Variants in CRCP observed in about 807,000 individuals in gnomAD.
CRCP encodes CGRP receptor component.
In CRCP, 18 loss-of-function variants were observed where a neutral mutation model predicts 18.5. That is an observed-to-expected ratio of 0.97 (90% CI 0.67 to 1.44). CRCP has a LOEUF of 1.44. Ranked by LOEUF, CRCP falls within the 40% of genes most tolerant of loss-of-function variation. The pLI is 0.00. For missense variants in CRCP, 130 were observed against 176.4 expected (o/e 0.74, Z 1.49); for synonymous variants, 53 against 62.9 (o/e 0.84, Z 0.75).
intron 5 of CRCP, among the ~76,000 whole-genome samples, chr7:66,146,254 C>T (rs1302716212): frequency 1.3e-5 from 2 of 152,018 alleles, no homozygotes; most frequent in East Asian, 1.9e-4. Context: ...CCGCTTTGTA[C>T]TGAGAGCGTA....
At chr7:66,138,792 CA>C (rs35447994) in intron 4 of CRCP, among the ~76,000 whole-genome samples, 33 of 131,386 alleles carry the variant, frequency 2.5e-4, no homozygotes, top group South Asian at 2.2e-3. Flanking sequence ...GACTCCGTCT[CA>C]AAAAAAAAAA....
chr7:66,116,432 T>G (rs1379583410), intron 1 of CRCP, among the ~76,000 whole-genome samples: 2 of 145,816 alleles, frequency 1.4e-5, no homozygotes, highest in Admixed American at 1.4e-4. Flanking sequence ...GAGGCTGCAA[T>G]GAGCTGAGAT....
chr7:66,137,710 G>C (rs1788011319), intron 4 of CRCP, among the ~76,000 whole-genome samples: 1 of 152,098 alleles, frequency 6.6e-6, no homozygotes, highest in Admixed American at 6.5e-5. Flanking sequence ...GTATCTTTTT[G>C]TTTATTTTTG....
intron 1 of CRCP, among the ~76,000 whole-genome samples, chr7:66,116,698 T>C (rs1475590267): frequency 6.6e-6 from 1 of 152,092 alleles, no homozygotes; most frequent in Non-Finnish European, 1.5e-5. Flanking sequence ...CCCACATACA[T>C]GTCCCCCTCT....
At chr7:66,132,802 CAGAG>C (rs1787848586) in intron 3 of CRCP, among the ~76,000 whole-genome samples, 1 of 151,624 alleles carries the variant, frequency 6.6e-6, no homozygotes, top group Non-Finnish European at 1.5e-5. Flanking sequence ...CCCAGCTACT[CAGAG>C]AGGCTGAGGC....
At chr7:66,121,857 G>A (rs1193582141) in intron 1 of CRCP, among the ~76,000 whole-genome samples, 2 of 152,046 alleles carry the variant, frequency 1.3e-5, no homozygotes, top group East Asian at 3.9e-4. Context: ...TGGGTAATAG[G>A]TACTATAACA....
chr7:66,146,479 T>G (rs914920403), intron 5 of CRCP, among the ~76,000 whole-genome samples: 3 of 151,992 alleles, frequency 2.0e-5, no homozygotes, highest in Admixed American at 2.0e-4. Context: ...CTTTAGAGAA[T>G]TAACAAAATG....
intron 2 of CRCP, 55 bp downstream of exon 2, chr7:66,127,795 T>C: frequency 6.3e-7 from 1 of 1,580,566 alleles, no homozygotes; most frequent in South Asian, 1.1e-5. Flanking sequence ...GCTCCTGAGA[T>C]TGTTAAATTG....
intron 4 of CRCP, 101 bp downstream of exon 4, chr7:66,134,475 AAAG>A (rs1562766673): frequency 1.1e-5 from 9 of 845,666 alleles, no homozygotes; most frequent in African/African-American, 1.0e-4. Flanking sequence ...GTTTGGATTT[AAAG>A]AAGGATTATA....
intron 5 of CRCP, among the ~76,000 whole-genome samples, chr7:66,149,921 C>T (rs993160667): frequency 6.6e-5 from 10 of 152,178 alleles, no homozygotes; most frequent in Admixed American, 5.9e-4. Flanking sequence ...ATTCTCCTGC[C>T]TCAGCCTCCC....
At chr7:66,127,665 G>C in intron 1 of CRCP, 39 bp from the exon 2 acceptor site, 1 of 1,612,570 alleles carries the variant, frequency 6.2e-7, no homozygotes, top group Non-Finnish European at 8.5e-7. Context: ...AGAAAGGGGT[G>C]TGAGCCCAGA....
intron 4 of CRCP, among the ~76,000 whole-genome samples, chr7:66,135,167 C>T (rs888765125): frequency 2.0e-5 from 3 of 152,170 alleles, no homozygotes; most frequent in African/African-American, 4.8e-5. Flanking sequence ...TTCTTACAGA[C>T]GCAGTGCCTC....
intron 1 of CRCP, among the ~76,000 whole-genome samples, chr7:66,122,273 G>T (rs1005136988): frequency 6.6e-6 from 1 of 151,672 alleles, no homozygotes; most frequent in African/African-American, 2.4e-5. Flanking sequence ...TACTTGGGAG[G>T]CTGAGGCAGG....
At chr7:66,128,291 AACCTTC>A (rs1787676746) in intron 2 of CRCP, among the ~76,000 whole-genome samples, 4 of 152,268 alleles carry the variant, frequency 2.6e-5, no homozygotes, top group Admixed American at 2.6e-4. Context: ...TAGAGGGGGC[AACCTTC>A]TCTAAATCTC....
At chr7:66,141,685 G>A (rs1472604126) in intron 4 of CRCP, among the ~76,000 whole-genome samples, 1 of 152,216 alleles carries the variant, frequency 6.6e-6, no homozygotes. Context: ...GTCAGATGGA[G>A]TAGGACCGAG....
intron 3 of CRCP, among the ~76,000 whole-genome samples, chr7:66,131,100 G>C (rs1005300993): frequency 6.6e-6 from 1 of 151,958 alleles, no homozygotes; most frequent in East Asian, 1.9e-4. Flanking sequence ...TCAGCCTCCC[G>C]AGTAGCTGGG....
At chr7:66,136,419 G>A (rs545117823) in intron 4 of CRCP, among the ~76,000 whole-genome samples, 2 of 152,222 alleles carry the variant, frequency 1.3e-5, no homozygotes, top group South Asian at 2.1e-4. Context: ...TAGTAGAGAC[G>A]TGGTTTCTCC....
At chr7:66,141,856 T>C (rs1788149516) in intron 4 of CRCP, among the ~76,000 whole-genome samples, 1 of 152,110 alleles carries the variant, frequency 6.6e-6, no homozygotes, top group South Asian at 2.1e-4. Flanking sequence ...CAGGGAATGT[T>C]TGTGCGCTGA....
chr7:66,131,033 G>GGT (rs1787786730), intron 3 of CRCP, among the ~76,000 whole-genome samples, 191 bp downstream of exon 3: 1 of 152,142 alleles, frequency 6.6e-6, no homozygotes, highest in Admixed American at 6.5e-5. Context: ...GGAATGCAGT[G>GGT]GTGTGATCTT....
Sources: gnomAD v4.1 joint callset for allele counts (sites outside exome capture counted in the v4.1 genomes callset) on GRCh38, gnomAD v4.1.1 for gene constraint, MANE v1.5 for transcripts, NCBI Gene and HGNC (gene_info 2026-07-23, HGNC 2026-07-21) for gene names.